The following MIPEP variants were observed in gnomAD, a reference collection of about 807,000 sequenced individuals.
The protein encoded by MIPEP is mitochondrial intermediate peptidase.
MIPEP carries 79 observed loss-of-function variants against 90.3 expected under a neutral mutation model. That is an observed-to-expected ratio of 0.87 (90% confidence interval 0.73 to 1.05). The LOEUF is 1.05. Among genes scored for constraint, MIPEP ranks in the 50% least tolerant of loss-of-function variants. The probability of loss-of-function intolerance (pLI) is 0.00; values close to 1 mark genes in which losing one functional copy is unlikely to be tolerated. For synonymous variants in MIPEP, 334 were observed against 315.8 expected (o/e 1.06, Z -0.61); for missense variants, 940 against 905.6 (o/e 1.04, Z -0.49).
intron 18 of MIPEP, among the ~76,000 whole-genome samples, chr13:23,750,776 T>C (rs989543008): frequency 6.6e-6 from 1 of 152,234 alleles, no homozygotes; most frequent in Non-Finnish European, 1.5e-5. Context: ...TTTAATCATT[T>C]ATATCAATAT....
intron 10 of MIPEP, among the ~76,000 whole-genome samples, chr13:23,851,928 G>A (rs1003313973): frequency 2.0e-5 from 3 of 152,132 alleles, no homozygotes; most frequent in Non-Finnish European, 4.4e-5. Flanking sequence ...TGCCAAAAAC[G>A]GGAAATGTTT....
At position 23,840,095 on chromosome 13, in the gene MIPEP, C is replaced by T. The variant is rs111763602; in HGVS notation, c.1261-369G>A. ...TCAAATCCTGGAATGTCGTGATATACGCCCAAGCAAATTATAACCCTTGAA... is the reference window on the plus strand; with the variant it reads ...TCAAATCCTGGAATGTCGTGATATATGCCCAAGCAAATTATAACCCTTGAA... On this transcript the variant is annotated intron_variant, in intron 11 of 18. Transcript: ENST00000382172. Among the ~76,000 whole-genome samples, 475 of 152,238 alleles carry T rather than the reference C, an allele frequency of 3.1e-3. 2 individuals carry two copies. Among genetic ancestry groups the T allele is most frequent in the Middle Eastern group, 0.017 (5 of 294 alleles).
intron 18 of MIPEP, among the ~76,000 whole-genome samples, chr13:23,739,119 T>C (rs558636397): frequency 6.6e-6 from 1 of 152,376 alleles, no homozygotes; most frequent in East Asian, 1.9e-4. Context: ...AACAATTGTT[T>C]CATGTAAAAC....
intron 17 of MIPEP, 66 bp downstream of exon 17, chr13:23,760,030 C>A: frequency 6.2e-7 from 1 of 1,602,684 alleles, no homozygotes; most frequent in South Asian, 1.1e-5. Flanking sequence ...GCCCGACTTC[C>A]AGATGTAATA....
At chr13:23,787,003 G>C (rs1952849264) in intron 16 of MIPEP, among the ~76,000 whole-genome samples, 1 of 152,124 alleles carries the variant, frequency 6.6e-6, no homozygotes, top group African/African-American at 2.4e-5. Flanking sequence ...ACTTCAACTA[G>C]GAGCAGAAGT....
rs1220524655 is a variant in MIPEP at position 23,746,058 on chromosome 13, A to G, written c.2044+10487T>C. On this transcript the variant is annotated intron_variant, in intron 18 of 18. Transcript: ENST00000382172. ...AGACAGCGTTTCACTCTTGTCACCC[A>G]GGCTGGAGTGTAACGGCACAATCTT... 1.2e-4 allele frequency among the ~76,000 whole-genome samples: 16 copies of G among 133,098 alleles called. 1 individual carries two copies. The South Asian group carries it at 3.4e-3, about 28-fold the overall frequency. The allele number at this position is 133,098 out of a possible 152,430, so 87.3% of individuals were successfully genotyped here. A position where few individuals can be genotyped will look rare whatever the true frequency, so the allele number is the denominator to read the frequency against.
intron 17 of MIPEP, 100 bp downstream of exon 17, chr13:23,759,996 T>C (rs1952522915): frequency 6.8e-7 from 1 of 1,468,906 alleles, no homozygotes; most frequent in African/African-American, 1.4e-5. Flanking sequence ...GGTTTGGCTG[T>C]GTTATGTGGG....
chr13:23,805,196 C>CA (rs1953094103), intron 16 of MIPEP, among the ~76,000 whole-genome samples: 1 of 152,148 alleles, frequency 6.6e-6, no homozygotes, highest in Admixed American at 6.5e-5. Flanking sequence ...TTAAGTCAGT[C>CA]ACATTGCTAA....
rs7999864 is a variant in MIPEP at position 23,869,624 on chromosome 13, T to C, written c.787-176A>G. 0.99 allele frequency among the ~76,000 whole-genome samples: 150,831 copies of C among 152,280 alleles called. 74,731 individuals carry two copies. Among genetic ancestry groups the C allele is most frequent in the East Asian group, 1 (5,170 of 5,170 alleles). ...AGTCATAAAATAGCATGGGATGCAA[T>C]AGCATACTTGACTGCAGCTCTAGGG... On this transcript the variant is annotated intron_variant, in intron 6 of 18. Transcript: ENST00000382172.
intron 4 of MIPEP, among the ~76,000 whole-genome samples, chr13:23,877,418 T>C (rs1395982068): frequency 1.3e-5 from 2 of 152,194 alleles, no homozygotes; most frequent in Non-Finnish European, 2.9e-5. Flanking sequence ...CCCTCCATTA[T>C]ATTTTCTGGA....
At chr13:23,866,999 C>G (rs956582426) in intron 7 of MIPEP, among the ~76,000 whole-genome samples, 9 of 132,872 alleles carry the variant, frequency 6.8e-5, no homozygotes, top group South Asian at 3.1e-4. Flanking sequence ...ACCTTCCCTG[C>G]TACCACCTGG....
intron 18 of MIPEP, among the ~76,000 whole-genome samples, chr13:23,737,773 T>G (rs189167356): frequency 2.6e-5 from 4 of 152,300 alleles, no homozygotes. Flanking sequence ...AAGCCAACCT[T>G]GCAAAGACGA....
chr13:23,733,150 A>G (rs1952223697), intron 18 of MIPEP, among the ~76,000 whole-genome samples: 2 of 152,244 alleles, frequency 1.3e-5, no homozygotes, highest in South Asian at 4.1e-4. Flanking sequence ...AATCTTGAGA[A>G]AAAGTAAACT....
intron 16 of MIPEP, among the ~76,000 whole-genome samples, chr13:23,786,038 G>A (rs758057426): frequency 1.3e-5 from 2 of 152,038 alleles, no homozygotes; most frequent in African/African-American, 2.4e-5. Flanking sequence ...GAGCAACATC[G>A]TGAGACCCTG....
At chr13:23,760,936 G>C (rs375788436) in intron 16 of MIPEP, among the ~76,000 whole-genome samples, 1 of 152,206 alleles carries the variant, frequency 6.6e-6, no homozygotes, top group East Asian at 1.9e-4. Context: ...TTAGTTCAGA[G>C]AGTTGTACTC....
chr13:23,752,528 A>G (rs1952452364), intron 18 of MIPEP, among the ~76,000 whole-genome samples: 1 of 152,306 alleles, frequency 6.6e-6, no homozygotes, highest in East Asian at 1.9e-4. Context: ...TCTAGTATAT[A>G]TTTTATAAAA....
rs147499848 is a variant in MIPEP at position 23,756,647 on chromosome 13, C to T, written c.1971-29G>A. ...GGGAAGAGAGGTTCTGTTACAGACT[C>T]CTGCTTGCACAGCCTCCATTCACAC... On this transcript the variant is annotated intron_variant, in intron 17 of 18. Coordinates refer to ENST00000382172, the MANE Select transcript of MIPEP (RefSeq NM_005932.4). 7.9e-3 allele frequency: 12,616 copies of T among 1,600,130 alleles called. 113 individuals carry two copies. Among genetic ancestry groups the T allele is most frequent in the South Asian group, 0.025 (2,303 of 90,820 alleles).
At chr13:23,844,348 G>A (rs940422912) in intron 10 of MIPEP, among the ~76,000 whole-genome samples, 1 of 152,246 alleles carries the variant, frequency 6.6e-6, no homozygotes, top group African/African-American at 2.4e-5. Flanking sequence ...TCCTGCACAT[G>A]AGGAGGTTGA....
intron 5 of MIPEP, among the ~76,000 whole-genome samples, chr13:23,870,928 A>G (rs888657123): frequency 1.3e-5 from 2 of 152,216 alleles, no homozygotes; most frequent in Non-Finnish European, 2.9e-5. Flanking sequence ...TCCCAGCCCT[A>G]TGTGGGGCTG....
Sources: allele counts gnomAD v4.1 joint callset (sites outside exome capture counted in the v4.1 genomes callset), GRCh38; gene constraint gnomAD v4.1.1; transcripts MANE v1.5; gene names NCBI Gene and HGNC (gene_info 2026-07-23, HGNC 2026-07-21).